LRRK1: variants seen among roughly 807,000 people sequenced by gnomAD.
The protein encoded by LRRK1 is leucine rich repeat kinase 1.
LRRK1 carries 113 observed loss-of-function variants against 209.1 expected under a neutral mutation model. The observed-to-expected ratio is 0.54, with a 90% CI of 0.46 to 0.63. LRRK1 has a LOEUF of 0.63. Ranked by LOEUF, LRRK1 falls within the 30% of genes least tolerant of loss-of-function variation. LRRK1 has a pLI of 0.00. For synonymous variants in LRRK1, 1,144 were observed against 1,099.7 expected (o/e 1.04, Z -0.80); for missense variants, 2,284 against 2,632.2 (o/e 0.87, Z 2.89).
At chr15:100,973,052 A>G (rs1423802460) in intron 2 of LRRK1, among the ~76,000 whole-genome samples, 1 of 152,180 alleles carries the variant, frequency 6.6e-6, no homozygotes. Context: ...GGGGAGGGCG[A>G]GAGGCCGCCT....
At chr15:101,019,320 T>G (rs533957020) in intron 12 of LRRK1, among the ~76,000 whole-genome samples, 1 of 152,294 alleles carries the variant, frequency 6.6e-6, no homozygotes, top group East Asian at 1.9e-4. Flanking sequence ...CATTATGACG[T>G]TCTTTCATGA....
chr15:101,000,550 G>A (rs752107039), intron 6 of LRRK1, among the ~76,000 whole-genome samples: 14 of 152,170 alleles, frequency 9.2e-5, no homozygotes, highest in Non-Finnish European at 1.6e-4. Context: ...CAAGGTGTTG[G>A]AAGGGTCGGC....
intron 2 of LRRK1, among the ~76,000 whole-genome samples, chr15:100,929,670 T>C (rs2042175131): frequency 6.6e-6 from 1 of 152,160 alleles, no homozygotes; most frequent in Non-Finnish European, 1.5e-5. Flanking sequence ...AGCCCACATC[T>C]CTGACCTGTT....
chr15:100,998,412 C>T (rs1004141518), intron 6 of LRRK1, among the ~76,000 whole-genome samples: 5 of 152,158 alleles, frequency 3.3e-5, no homozygotes, highest in Non-Finnish European at 7.3e-5. Context: ...CTTGCCCCCA[C>T]CCCAACCTTC....
chr15:100,952,070 G>A (rs773835940), intron 2 of LRRK1, among the ~76,000 whole-genome samples: 1 of 151,950 alleles, frequency 6.6e-6, no homozygotes, highest in Non-Finnish European at 1.5e-5. Flanking sequence ...AAAGAACTAA[G>A]TCACAAAAAC....
At position 100,998,224 on chromosome 15, in the gene LRRK1, G is replaced by A. The variant is rs1218669831; in HGVS notation, c.762+8826G>A. 2.0e-5 allele frequency among the ~76,000 whole-genome samples: 3 copies of A among 151,594 alleles called. No homozygotes were observed. The East Asian group carries it at 5.8e-4, about 29-fold the overall frequency. On this transcript the variant is annotated intron_variant, in intron 6 of 33. Transcript: ENST00000388948. ...AAGGAAGCCAAAATATCTGGTGGCA[G>A]GGAAAGACTATACCATCCATGCTGT...
At chr15:101,043,432 TCCATGAGAACGTTCAGAGTAAGGCAG>T (rs145474427) in intron 20 of LRRK1, among the ~76,000 whole-genome samples, 68,665 of 151,974 alleles carry the variant, frequency 0.45, 15,556 homozygotes, top group Middle Eastern at 0.5. Context: ...TTAACTTTGG[TCCATGAGAACGTTCAGAGTAAGGCAG>T]CCTGTGTGTT....
At position 101,068,817 on chromosome 15, in the gene LRRK1, G is replaced by A. The variant is rs377568599; in HGVS notation, c.6017G>A (p.Arg2006Gln). ...IFYQSYEELGRLEACTRKRR is the reference protein window; with the variant it reads ...IFYQSYEELGQLEACTRKRR Reference sequence around the variant, plus strand: ...TACCAGTCCTACGAGGAGCTGGGCCGGCTGGAGGCTTGCACTCGCAAGAGA... The same window carrying A: ...TACCAGTCCTACGAGGAGCTGGGCCAGCTGGAGGCTTGCACTCGCAAGAGA... The change falls in exon 34 of 34, where the codon CGG (arginine) becomes CAG (glutamine). Residue 2006 changes from arginine to glutamine, a missense_variant. Physicochemically the swap from Arg to Gln is conservative, Grantham distance 43. Transcript: ENST00000388948. 1.5e-5 allele frequency: 24 copies of A among 1,609,148 alleles called. No homozygotes were observed. Among genetic ancestry groups the A allele is most frequent in the African/African-American group, 9.4e-5 (7 of 74,724 alleles).
intron 2 of LRRK1, among the ~76,000 whole-genome samples, chr15:100,938,962 G>A (rs926479390): frequency 2.6e-5 from 4 of 151,904 alleles, no homozygotes; most frequent in Non-Finnish European, 4.4e-5. Context: ...GCATGGTGGC[G>A]GGCACCTGTA....
intron 28 of LRRK1, among the ~76,000 whole-genome samples, chr15:101,057,584 T>C (rs1040905495): frequency 6.6e-6 from 1 of 152,220 alleles, no homozygotes; most frequent in African/African-American, 2.4e-5. Flanking sequence ...CATGGTGACA[T>C]GGACTTATAG....
intron 31 of LRRK1, 139 bp downstream of exon 31, chr15:101,062,829 G>A (rs1470991769): frequency 1.4e-6 from 1 of 696,818 alleles, no homozygotes; most frequent in African/African-American, 1.8e-5. Context: ...TAGAGACGGT[G>A]GGAGGAAAGA....
At chr15:101,007,708 C>T (rs2033028546) in intron 6 of LRRK1, among the ~76,000 whole-genome samples, 1 of 152,080 alleles carries the variant, frequency 6.6e-6, no homozygotes, top group South Asian at 2.1e-4. Context: ...GCAGGCTGGG[C>T]ATCCTATGGG....
intron 20 of LRRK1, among the ~76,000 whole-genome samples, chr15:101,036,015 T>A (rs1296705820): frequency 6.6e-6 from 1 of 152,228 alleles, no homozygotes; most frequent in Non-Finnish European, 1.5e-5. Context: ...ATTGCTGTAT[T>A]TAGAATTCTC....
rs563442702 is a variant in LRRK1, at chr15:101,048,893, G to A, written c.3299+236G>A. On this transcript the variant is annotated intron_variant, in intron 22 of 33. Transcript: ENST00000388948. Reference sequence around the variant, plus strand: ...CGGGAAAGGCAAAGGCAGATGTGGCGGCCACAGCTGAGGACTTGAGGGACG... The same window carrying A: ...CGGGAAAGGCAAAGGCAGATGTGGCAGCCACAGCTGAGGACTTGAGGGACG... 9.6e-4 allele frequency among the ~76,000 whole-genome samples: 146 copies of A among 152,320 alleles called. 1 individual carries two copies. The Middle Eastern group carries it at 0.01, about 11-fold the overall frequency.
At chr15:100,947,046 T>A in intron 2 of LRRK1, among the ~76,000 whole-genome samples, 1 of 152,164 alleles carries the variant, frequency 6.6e-6, no homozygotes, top group East Asian at 1.9e-4. Flanking sequence ...CTCAGCTCAC[T>A]GCAACCTCCG....
chr15:101,020,879 G>A (rs1596284020), intron 12 of LRRK1, among the ~76,000 whole-genome samples, 174 bp from the exon 13 acceptor site: 1 of 152,190 alleles, frequency 6.6e-6, no homozygotes, highest in Non-Finnish European at 1.5e-5. Flanking sequence ...ACACATGCAT[G>A]CAAAGCTATC....
intron 16 of LRRK1, among the ~76,000 whole-genome samples, chr15:101,025,169 C>T (rs917365940): frequency 1.3e-5 from 2 of 152,194 alleles, no homozygotes; most frequent in African/African-American, 4.8e-5. Context: ...AATTTCCCCG[C>T]TTCCCTTAAA....
intron 2 of LRRK1, among the ~76,000 whole-genome samples, chr15:100,965,929 A>G (rs895722005): frequency 6.6e-6 from 1 of 152,234 alleles, no homozygotes; most frequent in Admixed American, 6.5e-5. Flanking sequence ...TTATTTTCCT[A>G]CTAGCTCTAG....
At chr15:101,057,931 A>T in intron 28 of LRRK1, 59 bp from the exon 29 acceptor site, 2 of 1,587,092 alleles carry the variant, frequency 1.3e-6, no homozygotes, top group Non-Finnish European at 1.7e-6. Flanking sequence ...CATGGGCAGA[A>T]CGGGCACCAA....
Sources: gnomAD v4.1 joint callset for allele counts (sites outside exome capture counted in the v4.1 genomes callset) on GRCh38, gnomAD v4.1.1 for gene constraint, MANE v1.5 for transcripts, NCBI Gene and HGNC (gene_info 2026-07-23, HGNC 2026-07-21) for gene names.